Variants in RNF130 observed in about 807,000 individuals in gnomAD.
RNF130 encodes the protein E3 ubiquitin-protein ligase RNF130.
RNF130 carries 21 observed loss-of-function variants against 44.6 expected under a neutral mutation model. The ratio of observed to expected loss-of-function variants is 0.47; its 90% CI spans 0.33 to 0.68. The LOEUF (loss-of-function observed/expected upper bound fraction) is 0.68, where lower values mean the gene tolerates loss of function less well. RNF130 is among the 30% of genes least tolerant of loss of function. The pLI is 0.02. For missense variants in RNF130, 479 were observed against 560.6 expected, an observed-to-expected ratio of 0.85 and a Z score of 1.47; for synonymous variants, 214 against 210.4, an observed-to-expected ratio of 1.02 and a Z score of -0.15.
chr5:179,924,840 C>T (rs1761684092), intron 7 of RNF130, among the ~76,000 whole-genome samples: 1 of 151,982 alleles, frequency 6.6e-6, no homozygotes, highest in South Asian at 2.1e-4. Flanking sequence ...TTCAAAAATG[C>T]TTCCTATCTA....
At chr5:179,994,111 C>T (rs1397482036) in intron 3 of RNF130, among the ~76,000 whole-genome samples, 2 of 152,186 alleles carry the variant, frequency 1.3e-5, no homozygotes, top group Non-Finnish European at 2.9e-5. Flanking sequence ...CAGTACCATG[C>T]TGTTCTGGTT....
intron 1 of RNF130, among the ~76,000 whole-genome samples, chr5:180,069,443 C>G (rs1252381728): frequency 6.6e-6 from 1 of 152,034 alleles, no homozygotes; most frequent in Non-Finnish European, 1.5e-5. Flanking sequence ...GGAGCAAGCC[C>G]CTGTGGGACG....
rs1242228040 is a variant in RNF130 at position 180,008,085 on chromosome 5, T to C, written c.693+4976A>G. ...CCCTCAAGACATGAGAAACGGGTGGTGGCTTCCAAGCTTCCTTACTTCCCC... is the reference window on the plus strand; with the variant it reads ...CCCTCAAGACATGAGAAACGGGTGGCGGCTTCCAAGCTTCCTTACTTCCCC... On this transcript the variant is annotated intron_variant, in intron 3 of 8. Transcript: ENST00000521389. Among the ~76,000 whole-genome samples, 3 of 144,076 alleles carry C rather than the reference T, an allele frequency of 2.1e-5. No homozygotes were observed. In the East Asian group the frequency reaches 6.1e-4, roughly 29 times the overall value. 94.5% of individuals were successfully genotyped at this position (144,076 alleles called of 152,430 possible). A position where few individuals can be genotyped will look rare whatever the true frequency, so the allele number is the denominator to read the frequency against.
At chr5:180,044,691 G>A (rs76107111) in intron 1 of RNF130, among the ~76,000 whole-genome samples, 1 of 152,124 alleles carries the variant, frequency 6.6e-6, no homozygotes, top group Non-Finnish European at 1.5e-5. Context: ...AATTAGCTGG[G>A]CATGGTGGTG....
At chr5:180,059,481 C>A (rs1194389361) in intron 1 of RNF130, among the ~76,000 whole-genome samples, 1 of 152,208 alleles carries the variant, frequency 6.6e-6, no homozygotes, top group Admixed American at 6.5e-5. Context: ...GTCTGGAACT[C>A]AGTAGGTGCT....
intron 7 of RNF130, among the ~76,000 whole-genome samples, chr5:179,946,622 T>A (rs1253139851): frequency 1.3e-5 from 2 of 151,716 alleles, no homozygotes; most frequent in African/African-American, 2.4e-5. Flanking sequence ...GGTGTGATCT[T>A]GGCTCACTGC....
At chr5:179,923,034 T>C (rs1281515465) in intron 7 of RNF130, among the ~76,000 whole-genome samples, 2 of 152,232 alleles carry the variant, frequency 1.3e-5, no homozygotes, top group Non-Finnish European at 2.9e-5. Context: ...CTTTTGAAGA[T>C]TAAAAGTTTC....
intron 1 of RNF130, among the ~76,000 whole-genome samples, chr5:180,064,626 CCT>C (rs1157504207): frequency 2.6e-5 from 4 of 152,146 alleles, no homozygotes; most frequent in Non-Finnish European, 5.9e-5. Context: ...TGTTCATTTT[CCT>C]CTGTTTTTAA....
At chr5:179,946,946 T>A (rs1435799648) in intron 7 of RNF130, among the ~76,000 whole-genome samples, 1 of 152,134 alleles carries the variant, frequency 6.6e-6, no homozygotes, top group Admixed American at 6.5e-5. Context: ...GCTCCCGTTA[T>A]TTCTACCTGT....
chr5:180,069,347 T>G (rs560784930), intron 1 of RNF130, among the ~76,000 whole-genome samples: 52 of 152,284 alleles, frequency 3.4e-4, no homozygotes, highest in South Asian at 8.3e-4. Context: ...ACTGAAAAAC[T>G]GCGTATGTGT....
At chr5:179,924,953 C>T (rs1479878795) in intron 7 of RNF130, among the ~76,000 whole-genome samples, 1 of 152,130 alleles carries the variant, frequency 6.6e-6, no homozygotes, top group African/African-American at 2.4e-5. Context: ...AATCCAACAG[C>T]ACTAAGGGAG....
chr5:179,915,381 T>A (rs1761528918), exon 8 of RNF130: 2 of 152,438 alleles, frequency 1.3e-5, no homozygotes, highest in South Asian at 4.1e-4. Context: ...GGCATTCTGA[T>A]GCAGGGGTCT....
At chr5:180,010,994 T>C (rs137863155) in intron 3 of RNF130, among the ~76,000 whole-genome samples, 2 of 152,334 alleles carry the variant, frequency 1.3e-5, no homozygotes, top group East Asian at 3.9e-4. Flanking sequence ...ACCACAGTTA[T>C]ACATGTTGTT....
intron 8 of RNF130, among the ~76,000 whole-genome samples, chr5:179,958,995 T>C (rs1762268554): frequency 6.6e-6 from 1 of 152,132 alleles, no homozygotes; most frequent in South Asian, 2.1e-4. Context: ...AGTTCTTTCT[T>C]ATATCAAGTG....
At chr5:179,983,573 A>T (rs1222737757) in intron 3 of RNF130, among the ~76,000 whole-genome samples, 1 of 152,138 alleles carries the variant, frequency 6.6e-6, no homozygotes, top group African/African-American at 2.4e-5. Context: ...GGTGGTGTTA[A>T]CCATCCCACA....
At chr5:179,939,671 A>T (rs1424067162) in intron 7 of RNF130, 3 of 461,394 alleles carry the variant, frequency 6.5e-6, no homozygotes, top group Non-Finnish European at 1.3e-5. Context: ...TGACCTAGTG[A>T]TCCAAATGAA....
At chr5:179,956,125 T>G (rs149178009) in intron 8 of RNF130, 1 of 154,320 alleles carries the variant, frequency 6.5e-6, no homozygotes, top group African/African-American at 2.4e-5. Context: ...AGACCTTGTG[T>G]GTGTTTCTGT....
chr5:179,935,704 G>C (rs1015586557), intron 7 of RNF130, among the ~76,000 whole-genome samples: 3 of 151,668 alleles, frequency 2.0e-5, no homozygotes, highest in African/African-American at 7.3e-5. Flanking sequence ...TGTTATTACA[G>C]TTTTCTCTCT....
At chr5:179,941,428 T>C (rs1430361086) in intron 7 of RNF130, among the ~76,000 whole-genome samples, 1 of 152,230 alleles carries the variant, frequency 6.6e-6, no homozygotes, top group Non-Finnish European at 1.5e-5. Context: ...CAACCTCCAG[T>C]TCCAGGCTGT....
Sources: allele counts gnomAD v4.1 joint callset (sites outside exome capture counted in the v4.1 genomes callset), GRCh38; gene constraint gnomAD v4.1.1; transcripts MANE v1.5; gene names NCBI Gene and HGNC (gene_info 2026-07-23, HGNC 2026-07-21).